TTLL5: variants seen among roughly 807,000 people sequenced by gnomAD.
The protein encoded by TTLL5 is tubulin tyrosine ligase like 5, also known as tubulin polyglutamylase TTLL5.
In TTLL5, 132 loss-of-function variants were observed where a neutral mutation model predicts 168.4. The ratio of observed to expected loss-of-function variants is 0.78; its 90% CI spans 0.68 to 0.91. The LOEUF is 0.91. Among genes scored for constraint, TTLL5 ranks in the 40% least tolerant of loss-of-function variants. The probability of loss-of-function intolerance (pLI) is 0.00; values close to 1 mark genes in which losing one functional copy is unlikely to be tolerated. For synonymous variants in TTLL5, 546 were observed against 558.6 expected, an observed-to-expected ratio of 0.98 and a Z score of 0.32; for missense variants, 1,545 against 1,581.5, an observed-to-expected ratio of 0.98 and a Z score of 0.39.
At chr14:75,720,265 C>T (rs1005702126) in intron 11 of TTLL5, among the ~76,000 whole-genome samples, 5 of 152,106 alleles carry the variant, frequency 3.3e-5, no homozygotes, top group East Asian at 3.9e-4. Flanking sequence ...TTGAGCAGAA[C>T]GGGAAACTGT....
At chr14:75,675,030 A>T (rs1204972825) in intron 3 of TTLL5, among the ~76,000 whole-genome samples, 1 of 152,124 alleles carries the variant, frequency 6.6e-6, no homozygotes, top group Admixed American at 6.6e-5. Context: ...TATAACTTTT[A>T]TAGTTTAAAA....
intron 15 of TTLL5, among the ~76,000 whole-genome samples, chr14:75,737,956 T>C (rs545078808): frequency 6.6e-6 from 1 of 152,292 alleles, no homozygotes; most frequent in East Asian, 1.9e-4. Context: ...ATTTTTTTTT[T>C]CAGACATCTT....
chr14:75,750,874 C>G (rs1016115129), intron 17 of TTLL5, among the ~76,000 whole-genome samples: 1 of 152,158 alleles, frequency 6.6e-6, no homozygotes, highest in Admixed American at 6.5e-5. Flanking sequence ...TGTGGCCTCT[C>G]AAATATCTTA....
At chr14:75,864,429 T>C (rs2030334994) in intron 29 of TTLL5, among the ~76,000 whole-genome samples, 1 of 152,192 alleles carries the variant, frequency 6.6e-6, no homozygotes, top group Non-Finnish European at 1.5e-5. Flanking sequence ...AGGCACTGTT[T>C]TAAACAGTGG....
intron 31 of TTLL5, among the ~76,000 whole-genome samples, chr14:75,947,768 G>A (rs2034821022): frequency 6.6e-6 from 1 of 151,816 alleles, no homozygotes; most frequent in South Asian, 2.1e-4. Flanking sequence ...AACAAAGTGA[G>A]ACCGTCTCTC....
At chr14:75,696,865 G>A (rs1251806287) in intron 6 of TTLL5, among the ~76,000 whole-genome samples, 1 of 152,018 alleles carries the variant, frequency 6.6e-6, no homozygotes, top group Non-Finnish European at 1.5e-5. Context: ...CATTTAACAG[G>A]CTATCTTCAA....
At chr14:75,669,242 A>T (rs567315350) in intron 2 of TTLL5, among the ~76,000 whole-genome samples, 174 bp from the exon 3 acceptor site, 1 of 152,348 alleles carries the variant, frequency 6.6e-6, no homozygotes, top group Admixed American at 6.5e-5. Context: ...CCAGGGATAG[A>T]GTTAATTTTA....
rs1036977391 is a variant in TTLL5 at position 75,941,947 on chromosome 14, C to T, written c.3824-12477C>T. Among the ~76,000 whole-genome samples, 10 of 149,604 alleles carry T rather than the reference C, an allele frequency of 6.7e-5. No individual in the cohort carries two copies. In the East Asian group the frequency reaches 1.8e-3, roughly 27 times the overall value. On this transcript the variant is annotated intron_variant, in intron 31 of 31. Transcript: ENST00000298832. ...CCTGTAATCCCAGCACTTTGGGAGC[C>T]GAGGCAGGCGGATCACGAGGTCAGG... is the stretch of plus-strand genomic sequence containing the variant.
intron 21 of TTLL5, among the ~76,000 whole-genome samples, chr14:75,773,959 G>T (rs12892497): frequency 2.9e-5 from 1 of 34,194 alleles, no homozygotes; most frequent in Non-Finnish European, 6.1e-5. Flanking sequence ...GAGAGAGAAA[G>T]AGAGAGAGAG....
Position 75,707,037 on chromosome 14 carries a change from A to G in TTLL5, c.605A>G (p.Glu202Gly). 1.9e-6 allele frequency: 3 copies of G among 1,612,538 alleles called. No homozygotes were observed. In the South Asian group the frequency reaches 3.3e-5, roughly 18 times the overall value. Reference sequence around the variant, plus strand: ...CAATAGCCAAACCAGATCTCCCTGGAAGAGAACATTTTGGTCTCCCGTTAC... The same window carrying G: ...CAATAGCCAAACCAGATCTCCCTGGGAGAGAACATTTTGGTCTCCCGTTAC... ...LINNPNQISLEENILVSRYIN... is the reference protein window; with the variant it reads ...LINNPNQISLGENILVSRYIN... The change falls in exon 8 of 32, where the codon GAA becomes GGA. Residue 202 changes from glutamate (E) to glycine (G), a missense_variant. Physicochemically the swap from Glu to Gly is moderately conservative, Grantham distance 98. Transcript: ENST00000298832.
rs766011397 is a variant in TTLL5, at chr14:75,843,848, A to ATTTATTTTAT, written c.3327-19815_3327-19806dup. 6.4e-4 allele frequency among the ~76,000 whole-genome samples: 82 copies of ATTTATTTTAT among 128,288 alleles called. 1 individual carries two copies. The South Asian group carries it at 6.9e-3, about 11-fold the overall frequency. 84.2% of individuals were successfully genotyped at this position (128,288 alleles called of 152,430 possible). A position where few individuals can be genotyped will look rare whatever the true frequency, so the allele number is the denominator to read the frequency against. ...ATGATTTTATAGTTTCTCATTTTAT[A>ATTTATTTTAT]TTTATTTTATTTTGTTTTGTTTTGT... On this transcript the variant is annotated intron_variant, in intron 28 of 31. Transcript: ENST00000298832.
At chr14:75,839,504 G>A (rs1896098889) in intron 28 of TTLL5, among the ~76,000 whole-genome samples, 1 of 152,190 alleles carries the variant, frequency 6.6e-6, no homozygotes, top group Non-Finnish European at 1.5e-5. Flanking sequence ...GGCTGGGGAG[G>A]CTTCAGGAAA....
chr14:75,905,539 C>A (rs1017397441), intron 31 of TTLL5, among the ~76,000 whole-genome samples: 1 of 152,180 alleles, frequency 6.6e-6, no homozygotes, highest in Non-Finnish European at 1.5e-5. Context: ...CCTTGACTTA[C>A]CAACCTCAGG....
chr14:75,902,883 G>A (rs1367328122), intron 31 of TTLL5, among the ~76,000 whole-genome samples: 1 of 152,164 alleles, frequency 6.6e-6, no homozygotes, highest in East Asian at 1.9e-4. Context: ...AACATGCTGG[G>A]CACTGAGATA....
chr14:75,937,107 A>G (rs562309196), intron 31 of TTLL5, among the ~76,000 whole-genome samples: 2 of 138,992 alleles, frequency 1.4e-5, no homozygotes, highest in Admixed American at 8.0e-5. Context: ...AGTGTATGGC[A>G]TTAAGTACAT....
chr14:75,733,988 G>C lies in TTLL5; in HGVS notation c.1125-1G>C. The stretch of plus-strand genomic sequence containing the variant: ...GCTCTTTTCTTTCTCTGTTCTGTTA[G>C]TGATGCGCCTCTGGACCTAAAGATT... On this transcript the variant is annotated splice_acceptor_variant, in intron 13 of 31. Transcript: ENST00000298832. LOFTEE classifies it high-confidence loss of function. 6.2e-7 allele frequency: 1 copy of C among 1,613,898 alleles called. No individual in the cohort carries two copies. Among genetic ancestry groups the C allele is most frequent in the East Asian group, 2.2e-5 (1 of 44,866 alleles).
At chr14:75,756,783 C>T (rs1890289345) in intron 18 of TTLL5, among the ~76,000 whole-genome samples, 1 of 152,062 alleles carries the variant, frequency 6.6e-6, no homozygotes, top group Non-Finnish European at 1.5e-5. Context: ...GCTAGAATTA[C>T]AGGCATGAGC....
chr14:75,686,155 A>G (rs565797116), intron 5 of TTLL5, among the ~76,000 whole-genome samples: 10 of 152,342 alleles, frequency 6.6e-5, no homozygotes, highest in African/African-American at 1.7e-4. Context: ...AATGATTACC[A>G]CAAAGGTTCT....
At chr14:75,948,910 C>T (rs1363342597) in intron 31 of TTLL5, among the ~76,000 whole-genome samples, 1 of 152,098 alleles carries the variant, frequency 6.6e-6, no homozygotes, top group Non-Finnish European at 1.5e-5. Context: ...CCAAATATTC[C>T]TTTAATTATT....
Sources: gnomAD v4.1 joint callset for allele counts (sites outside exome capture counted in the v4.1 genomes callset) on GRCh38, gnomAD v4.1.1 for gene constraint, MANE v1.5 for transcripts, NCBI Gene and HGNC (gene_info 2026-07-23, HGNC 2026-07-21) for gene names.